The following U2AF2 variants were observed in gnomAD, a reference collection of about 807,000 sequenced individuals.
U2AF2 encodes splicing factor U2AF 65 kDa subunit.
In U2AF2, 6 loss-of-function variants were observed where a neutral mutation model predicts 52.6. The observed-to-expected ratio is 0.11, with a 90% CI of 0.06 to 0.23. The LOEUF is 0.23. U2AF2 is among the 10% of genes least tolerant of loss of function. U2AF2 has a pLI of 1.00. For missense variants in U2AF2, 222 were observed against 677.1 expected, an observed-to-expected ratio of 0.33 and a Z score of 7.46; for synonymous variants, 284 against 258.2, an observed-to-expected ratio of 1.10 and a Z score of -0.96.
At chr19:55,673,888 T>C (rs781375893) in intron 11 of U2AF2, 46 bp from the exon 12 acceptor site, 1 of 1,576,386 alleles carries the variant, frequency 6.3e-7, no homozygotes, top group South Asian at 1.2e-5. Context: ...TGACTGGCTG[T>C]TGGGCGTGAG....
Position 55,661,177 on chromosome 19 carries a change from T to C in U2AF2, c.474T>C (p.Phe158=), listed in dbSNP as rs1374895630. 1 of 1,606,820 alleles carries C rather than the reference T, an allele frequency of 6.2e-7. No individual in the cohort carries two copies. Among genetic ancestry groups the C allele is most frequent in the East Asian group, 2.2e-5 (1 of 44,566 alleles). The stretch of plus-strand genomic sequence containing the variant: ...GCCTCTACGTGGGCAACATCCCCTT[T>C]GGCATCACTGAGGTACTGCCCTCCC... The part of the protein sequence containing the change: ...ARRLYVGNIP[F]GITEEAMMDF... Residue 158 remains phenylalanine (F), a synonymous_variant, in exon 5 of 12, where the codon TTT becomes TTC. Coordinates refer to ENST00000308924, the MANE Select transcript of U2AF2 (RefSeq NM_007279.3).
In U2AF2 at chr19:55,668,658, CG is replaced by C; in HGVS notation, c.823-10del. ...CCTCATCCCAGCCCTGATGGACTCT[CG>C]GCTACTGCAGGTCAAAGAGCTGCTG... is the stretch of plus-strand genomic sequence containing the variant. On this transcript the variant is annotated splice_polypyrimidine_tract_variant and intron_variant, in intron 8 of 11. Coordinates refer to ENST00000308924, the MANE Select transcript of U2AF2 (RefSeq NM_007279.3). The surrounding 1 kb of genome is among the most constrained non-coding windows in gnomAD (Gnocchi z 5.5). The C allele has an allele frequency of 2.5e-6, 4 of 1,604,432 alleles. No homozygotes were observed. The highest frequency in any genetic ancestry group is 3.4e-6 in the Non-Finnish European group (4 of 1,173,608).
intron 10 of U2AF2, 45 bp from the exon 11 acceptor site, chr19:55,669,399 G>A (rs1984740040): frequency 4.2e-5 from 65 of 1,559,768 alleles, no homozygotes; most frequent in Non-Finnish European, 4.6e-5. Context: ...GAGGGAGACT[G>A]GGTCTGGGCC....
At chr19:55,659,170 A>G (rs1348782264) in intron 1 of U2AF2, 40 bp from the exon 2 acceptor site, 2 of 1,490,252 alleles carry the variant, frequency 1.3e-6, no homozygotes, top group Non-Finnish European at 1.8e-6. Context: ...CCGCATCCTT[A>G]CTCCGCTTAT....
intron 7 of U2AF2, among the ~76,000 whole-genome samples, chr19:55,666,007 T>G (rs1167055542): frequency 9.2e-5 from 14 of 152,242 alleles, no homozygotes; most frequent in African/African-American, 3.1e-4. Flanking sequence ...AGCGCCTCCT[T>G]CCTGGGTAGG....
chr19:55,670,281 ATCACC>A (rs1984812845), intron 11 of U2AF2, among the ~76,000 whole-genome samples: 1 of 151,906 alleles, frequency 6.6e-6, no homozygotes, highest in African/African-American at 2.4e-5. Context: ...GACAGGTGTA[ATCACC>A]TCACCTCTCT....
intron 4 of U2AF2, 36 bp from the exon 5 acceptor site, chr19:55,661,001 CT>C (rs1984153255): frequency 6.5e-7 from 1 of 1,546,460 alleles, no homozygotes; most frequent in Non-Finnish European, 8.8e-7. Context: ...GAGCATTCCC[CT>C]GATGGGGTTT....
intron 1 of U2AF2, among the ~76,000 whole-genome samples, chr19:55,658,566 T>G (rs1055099230): frequency 1.3e-5 from 2 of 152,138 alleles, no homozygotes; most frequent in Non-Finnish European, 2.9e-5. Context: ...CAAGTCTGGA[T>G]GGGGCAAGCT....
chr19:55,667,553 C>T (rs565381223), intron 7 of U2AF2, among the ~76,000 whole-genome samples: 18 of 152,184 alleles, frequency 1.2e-4, no homozygotes, highest in East Asian at 1.9e-4. Flanking sequence ...CCAGTAAATT[C>T]AGCTGATAAG....
intron 11 of U2AF2, among the ~76,000 whole-genome samples, chr19:55,669,909 G>A (rs1039636343): frequency 6.6e-6 from 1 of 152,160 alleles, no homozygotes; most frequent in Non-Finnish European, 1.5e-5. Flanking sequence ...TGACCCTGAG[G>A]GGTTTGTGGC....
At position 55,661,025 on chromosome 19, in the gene U2AF2, A is replaced by G; in HGVS notation, c.335-13A>G. On this transcript the variant is annotated splice_polypyrimidine_tract_variant and intron_variant, in intron 4 of 11. Transcript: ENST00000308924. ...CCTGATGGGGTTTTATCCGGCTTTT[A>G]TTCCCTTTGAAGCTGCGGGTCAGAT... is the stretch of plus-strand genomic sequence containing the variant. The G allele has an allele frequency of 6.4e-7, 1 of 1,568,796 alleles. No individual in the cohort carries two copies. Among genetic ancestry groups the G allele is most frequent in the East Asian group, 2.3e-5 (1 of 42,902 alleles).
chr19:55,666,228 C>T (rs536443778), intron 7 of U2AF2, among the ~76,000 whole-genome samples: 5 of 152,306 alleles, frequency 3.3e-5, no homozygotes, highest in African/African-American at 9.6e-5. Flanking sequence ...GGACATTGCT[C>T]CATCTTACAG....
Position 55,669,703 on chromosome 19 carries a change from C to T in U2AF2, c.1293+11C>T. ...CCCGGCTGCGGAAAGGTCAGGAGGC[C>T]TCGGGCTCAGTGCTCTCTCACCCTC... On this transcript the variant is annotated intron_variant, in intron 11 of 11. Transcript: ENST00000308924. 6.3e-7 allele frequency: 1 copy of T among 1,589,286 alleles called. No homozygotes were observed. Among genetic ancestry groups the T allele is most frequent in the African/African-American group, 1.3e-5 (1 of 74,644 alleles).
At chr19:55,670,192 G>T (rs1310696926) in intron 11 of U2AF2, among the ~76,000 whole-genome samples, 1 of 152,006 alleles carries the variant, frequency 6.6e-6, no homozygotes, top group Non-Finnish European at 1.5e-5. Context: ...GGCACAGCGG[G>T]GGTGGCTCAC....
Position 55,661,197 on chromosome 19 carries a change from C to T in U2AF2, c.486+8C>T, listed in dbSNP as rs1439308891. Reference sequence around the variant, plus strand: ...CCCTTTGGCATCACTGAGGTACTGCCCTCCCCTGCCCCCTACCCTCTCCCT... The same window carrying T: ...CCCTTTGGCATCACTGAGGTACTGCTCTCCCCTGCCCCCTACCCTCTCCCT... On this transcript the variant is annotated splice_region_variant and intron_variant, in intron 5 of 11. Coordinates refer to ENST00000308924, the MANE Select transcript of U2AF2 (RefSeq NM_007279.3). 4 of 1,585,220 alleles carry T rather than the reference C, an allele frequency of 2.5e-6. No individual in the cohort carries two copies. Among genetic ancestry groups the T allele is most frequent in the African/African-American group, 2.7e-5 (2 of 74,262 alleles).
intron 1 of U2AF2, 28 bp from the exon 2 acceptor site, chr19:55,659,182 C>A: frequency 6.6e-7 from 1 of 1,522,252 alleles, no homozygotes; most frequent in South Asian, 1.2e-5. Flanking sequence ...TCCGCTTATC[C>A]CGTGCCCCTC....
At chr19:55,661,321 C>T (rs936932424) in intron 5 of U2AF2, 132 bp downstream of exon 5, 92 of 1,062,702 alleles carry the variant, frequency 8.7e-5, no homozygotes, top group Admixed American at 7.9e-4. Flanking sequence ...CCCTCCCAGA[C>T]GGACCGATGG....
intron 2 of U2AF2, 46 bp from the exon 3 acceptor site, chr19:55,660,130 AG>A (rs746470822): frequency 6.4e-7 from 1 of 1,574,048 alleles, no homozygotes; most frequent in African/African-American, 1.4e-5. Context: ...GGGGAAGACG[AG>A]GGTCCCCAGT....
chr19:55,655,640 T>G (rs1011491290), intron 1 of U2AF2, among the ~76,000 whole-genome samples: 3 of 152,158 alleles, frequency 2.0e-5, no homozygotes, highest in African/African-American at 7.2e-5. Flanking sequence ...GCCCCTTTCC[T>G]TCCTTCACGT....
Sources: gnomAD v4.1 joint callset for allele counts (sites outside exome capture counted in the v4.1 genomes callset) on GRCh38, gnomAD v4.1.1 for gene constraint, Gnocchi (gnomAD v3.1) non-coding constraint, MANE v1.5 for transcripts, NCBI Gene and HGNC (gene_info 2026-07-23, HGNC 2026-07-21) for gene names.